DYNC2LI1: variants seen among roughly 807,000 people sequenced by gnomAD.
DYNC2LI1 encodes the protein cytoplasmic dynein 2 light intermediate chain 1.
In DYNC2LI1, 45 loss-of-function variants were observed where a neutral mutation model predicts 51.9. The ratio of observed to expected loss-of-function variants is 0.87; its 90% confidence interval spans 0.68 to 1.11. The LOEUF (loss-of-function observed/expected upper bound fraction) is 1.11, where lower values mean the gene tolerates loss of function less well. DYNC2LI1 is among the 50% of genes most tolerant of loss of function. The pLI, the probability that DYNC2LI1 is intolerant of heterozygous loss-of-function variation, is 0.00. For missense variants in DYNC2LI1, 490 were observed against 417.4 expected (o/e 1.17, Z -1.51); for synonymous variants, 130 against 137.8 (o/e 0.94, Z 0.40).
chr2:43,820,139 C>T, the DYNC2LI1 span: 1 of 1,592,866 alleles, frequency 6.3e-7, no homozygotes, highest in African/African-American at 1.3e-5. Flanking sequence ...TCTCCAAGGG[C>T]TATCATTTAA....
chr2:43,814,503 T>C, downstream of DYNC2LI1: 4 of 1,607,588 alleles, frequency 2.5e-6, no homozygotes, highest in Non-Finnish European at 3.4e-6. Context: ...TCCGTAGAAC[T>C]CATTGACTAC....
chr2:43,802,316 A>C (rs2104710589), intron 10 of DYNC2LI1, among the ~76,000 whole-genome samples: 1 of 151,042 alleles, frequency 6.6e-6, no homozygotes, highest in South Asian at 2.1e-4. Context: ...TGAGCCTCGC[A>C]CTTCTTTATC....
intron 1 of DYNC2LI1, chr2:43,775,854 ATTT>A (rs57868887): frequency 0.014 from 711 of 50,192 alleles, 1 homozygote; most frequent in Middle Eastern, 0.056. Context: ...CACCTGGCCA[ATTT>A]TTTTTTTTTT....
In DYNC2LI1 at chr2:43,789,662, C is replaced by G; in HGVS notation, c.261C>G (p.Leu87=). Residue 87 remains leucine, a synonymous_variant, in exon 5 of 13, where the codon CTC becomes CTG. Transcript: ENST00000260605. Reference sequence around the variant, plus strand: ...AAGATATCGCTCACTTTTGGGAACTCGGTGGAGGAACCTCTTTATTGGACT... The same window carrying G: ...AAGATATCGCTCACTTTTGGGAACTGGGTGGAGGAACCTCTTTATTGGACT... The part of the protein sequence containing the change: ...TPKDIAHFWE[L]GGGTSLLDLI... 8 of 1,613,818 alleles carry G rather than the reference C, an allele frequency of 5.0e-6. No individual in the cohort carries two copies. The highest frequency in any genetic ancestry group is 6.8e-6 in the Non-Finnish European group (8 of 1,179,886).
chr2:43,797,376 G>A (rs1665907070), intron 8 of DYNC2LI1, among the ~76,000 whole-genome samples: 2 of 152,076 alleles, frequency 1.3e-5, no homozygotes, highest in African/African-American at 4.8e-5. Flanking sequence ...CAAAGAGGGA[G>A]TACATGTGAA....
chr2:43,820,348 C>T, the DYNC2LI1 span, among the ~76,000 whole-genome samples: 2 of 152,338 alleles, frequency 1.3e-5, no homozygotes, highest in South Asian at 4.1e-4. Flanking sequence ...CTTCAGCTCT[C>T]ATAGGAAAAC....
the DYNC2LI1 span, chr2:43,828,282 C>A: frequency 1.1e-6 from 1 of 904,986 alleles, no homozygotes; most frequent in Non-Finnish European, 1.7e-6. Context: ...TAATATGATC[C>A]AATTCGGCTT....
chr2:43,823,910 TACAC>T, the DYNC2LI1 span: 1 of 1,613,732 alleles, frequency 6.2e-7, no homozygotes, highest in African/African-American at 1.3e-5. Context: ...CGTGGGCACT[TACAC>T]AGATTCACAG....
downstream of DYNC2LI1, chr2:43,814,517 A>T (rs980709986): frequency 1.2e-6 from 2 of 1,609,398 alleles, no homozygotes; most frequent in Non-Finnish European, 1.7e-6. Flanking sequence ...TGACTACAAG[A>T]ATCTCACTGC....
At chr2:43,813,461 G>A (rs1358118920), downstream of DYNC2LI1, 1 of 686,162 alleles carries the variant, frequency 1.5e-6, no homozygotes, top group Non-Finnish European at 2.6e-6. Flanking sequence ...GCAAGAGTGA[G>A]CAGTTCTGGC....
the DYNC2LI1 span, chr2:43,826,391 C>T: frequency 5.6e-6 from 9 of 1,613,926 alleles, no homozygotes; most frequent in South Asian, 9.9e-5. Flanking sequence ...CCTGAAAAAG[C>T]TCAGAACGGG....
intron 9 of DYNC2LI1, chr2:43,801,406 TTTTGA>T: frequency 3.1e-6 from 1 of 320,488 alleles, no homozygotes; most frequent in Non-Finnish European, 5.7e-6. Context: ...CTTCTCTTGG[TTTTGA>T]TTTAAGGTAA....
chr2:43,781,502 T>C (rs1320353664), intron 2 of DYNC2LI1: 1 of 152,280 alleles, frequency 6.6e-6, no homozygotes, highest in Non-Finnish European at 1.5e-5. Context: ...GCAGAGTACA[T>C]TACTTTTTGG....
the DYNC2LI1 span, chr2:43,822,396 T>C: frequency 2.4e-6 from 1 of 415,758 alleles, no homozygotes; most frequent in Non-Finnish European, 3.2e-6. Flanking sequence ...CTGCCTCCTC[T>C]GTTGGTTGCT....
intron 4 of DYNC2LI1, 124 bp from the exon 5 acceptor site, chr2:43,789,509 T>A (rs1673679975): frequency 1.3e-6 from 1 of 742,394 alleles, no homozygotes; most frequent in Admixed American, 3.0e-5. Context: ...GGAAAAAATT[T>A]TGACTGCCAA....
chr2:43,824,374 T>G, the DYNC2LI1 span: 1 of 1,614,214 alleles, frequency 6.2e-7, no homozygotes, highest in Non-Finnish European at 8.5e-7. Context: ...TCATCTGGAC[T>G]CTCTTGGAGG....
At position 43,789,651 on chromosome 2, in the gene DYNC2LI1, T is replaced by G. The variant is rs1258771088; in HGVS notation, c.250T>G (p.Phe84Val). The change falls in exon 5 of 13, where the codon TTT (phenylalanine) becomes GTT (valine). Residue 84 changes from phenylalanine to valine, a missense_variant. Coordinates refer to ENST00000260605, the MANE Select transcript of DYNC2LI1 (RefSeq NM_016008.4). ...TTTTCAGCCAAAAGATATCGCTCAC[T>G]TTTGGGAACTCGGTGGAGGAACCTC... The part of the protein sequence containing the change: ...GHNTPKDIAH[F>V]WELGGGTSLL... 1.2e-6 allele frequency: 2 copies of G among 1,613,872 alleles called. No individual in the cohort carries two copies. The highest frequency in any genetic ancestry group is 8.5e-7 in the Non-Finnish European group (1 of 1,179,856).
At chr2:43,808,999 A>T (rs1666379417) in intron 12 of DYNC2LI1, among the ~76,000 whole-genome samples, 1 of 140,158 alleles carries the variant, frequency 7.1e-6, no homozygotes, top group South Asian at 2.3e-4. Context: ...ACACACACAC[A>T]CTTTTTTGTG....
chr2:43,789,486 G>A, intron 4 of DYNC2LI1, 147 bp from the exon 5 acceptor site: 1 of 582,792 alleles, frequency 1.7e-6, no homozygotes, highest in Non-Finnish European at 3.0e-6. Context: ...TGCATTTTGA[G>A]GGATGGGATA....
Sources: allele counts gnomAD v4.1 joint callset (sites outside exome capture counted in the v4.1 genomes callset), GRCh38; gene constraint gnomAD v4.1.1; transcripts MANE v1.5; gene names NCBI Gene and HGNC (gene_info 2026-07-23, HGNC 2026-07-21).